Variants in PHTF2 observed in about 807,000 individuals in gnomAD.
PHTF2 encodes the protein protein PHTF2.
Under a neutral mutation model 101.2 loss-of-function variants are expected in PHTF2, and 60 were observed. The observed-to-expected ratio is 0.59, with a 90% CI of 0.48 to 0.73. PHTF2 has a LOEUF of 0.73. Among genes scored for constraint, PHTF2 ranks in the 30% least tolerant of loss-of-function variants. The pLI is 0.00. For synonymous variants in PHTF2, 311 were observed against 307.3 expected (o/e 1.01, Z -0.13); for missense variants, 747 against 908.7 (o/e 0.82, Z 2.29).
chr7:77,948,476 T>C (rs1562976809), intron 16 of PHTF2, among the ~76,000 whole-genome samples: 1 of 152,124 alleles, frequency 6.6e-6, no homozygotes, highest in Non-Finnish European at 1.5e-5. Context: ...AAATTAAAAT[T>C]TTGTGTCCTG....
intron 1 of PHTF2, among the ~76,000 whole-genome samples, chr7:77,812,881 A>G (rs1044304272): frequency 2.6e-5 from 4 of 151,836 alleles, no homozygotes; most frequent in Admixed American, 6.6e-5. Context: ...GAGCCACAGC[A>G]CCCAGCCAAT....
At chr7:77,826,833 T>C (rs1169159770) in intron 1 of PHTF2, among the ~76,000 whole-genome samples, 3 of 152,206 alleles carry the variant, frequency 2.0e-5, no homozygotes, top group African/African-American at 7.2e-5. Flanking sequence ...TTCTCTAACA[T>C]GTAAGAGCAC....
At chr7:77,868,411 C>A (rs1004595251) in intron 3 of PHTF2, among the ~76,000 whole-genome samples, 1 of 146,282 alleles carries the variant, frequency 6.8e-6, no homozygotes, top group African/African-American at 2.6e-5. Context: ...TCAAGCAATC[C>A]TCCTACCTCA....
At chr7:77,834,840 A>G (rs116997878) in intron 1 of PHTF2, among the ~76,000 whole-genome samples, 7,734 of 152,138 alleles carry the variant, frequency 0.051, 306 homozygotes, top group Non-Finnish European at 0.075. Flanking sequence ...ATGTTGCCAC[A>G]TTTTTTCCTT....
intron 3 of PHTF2, among the ~76,000 whole-genome samples, chr7:77,880,667 C>T (rs74532925): frequency 4.3e-4 from 65 of 152,166 alleles, no homozygotes; most frequent in African/African-American, 1.5e-3. Context: ...TGGCTACACA[C>T]GTGCATCAGG....
intron 8 of PHTF2, 126 bp downstream of exon 7, chr7:77,909,084 T>A: frequency 1.8e-6 from 1 of 546,506 alleles, no homozygotes. Context: ...AAAAAAACAC[T>A]GAGCTTCAGA....
Position 77,893,589 on chromosome 7 carries a change from TA to T in PHTF2, c.148-18del. ...GGGTACCAGCAATGACCATTTAATGTAGTGTCTTCTTTTCATAGATTGGAGC... is the reference window on the plus strand; with the variant it reads ...GGGTACCAGCAATGACCATTTAATGTGTGTCTTCTTTTCATAGATTGGAGC... On this transcript the variant is annotated intron_variant, in intron 3 of 19. Coordinates refer to ENST00000416283, the Ensembl canonical transcript of PHTF2. The T allele has an allele frequency of 1.7e-6, 2 of 1,147,418 alleles. No individual in the cohort carries two copies. Among genetic ancestry groups the T allele is most frequent in the Non-Finnish European group, 2.6e-6 (2 of 779,484 alleles). The allele number at this position is 1,147,418 out of a possible 1,614,324, so 71.1% of individuals were successfully genotyped here.
At chr7:77,869,157 A>G (rs907383497) in intron 3 of PHTF2, among the ~76,000 whole-genome samples, 5 of 152,170 alleles carry the variant, frequency 3.3e-5, no homozygotes, top group Non-Finnish European at 4.4e-5. Flanking sequence ...TTTAATTGAT[A>G]CGTAATTAAT....
At chr7:77,878,832 A>C (rs1799162540) in intron 3 of PHTF2, among the ~76,000 whole-genome samples, 1 of 152,230 alleles carries the variant, frequency 6.6e-6, no homozygotes, top group African/African-American at 2.4e-5. Context: ...TAATCTCTAA[A>C]TTAAAGATTT....
At chr7:77,853,101 C>G (rs1300849359) in intron 2 of PHTF2, among the ~76,000 whole-genome samples, 1 of 152,100 alleles carries the variant, frequency 6.6e-6, no homozygotes, top group African/African-American at 2.4e-5. Context: ...CCTTCTTATA[C>G]TTGAATATTG....
At chr7:77,894,184 C>T (rs1800690226) in intron 5 of PHTF2, among the ~76,000 whole-genome samples, 191 bp downstream of exon 4, 1 of 152,198 alleles carries the variant, frequency 6.6e-6, no homozygotes, top group Non-Finnish European at 1.5e-5. Flanking sequence ...TAGGCATTTT[C>T]TTCCTGAACA....
At chr7:77,840,759 T>C (rs1795804120) in intron 2 of PHTF2, among the ~76,000 whole-genome samples, 1 of 152,082 alleles carries the variant, frequency 6.6e-6, no homozygotes. Context: ...GTTTTAGGAT[T>C]GTCGTACCTA....
intron 16 of PHTF2, among the ~76,000 whole-genome samples, chr7:77,943,101 T>C (rs544374572): frequency 5.0e-5 from 6 of 119,618 alleles, no homozygotes; most frequent in Non-Finnish European, 1.0e-4. Flanking sequence ...TTTATTCATG[T>C]TTACTATTCT....
exon 10 of PHTF2, chr7:77,920,434 A>T: frequency 6.2e-7 from 1 of 1,613,340 alleles, no homozygotes; most frequent in Non-Finnish European, 8.5e-7. Flanking sequence ...ACAGCCTGGA[A>T]CACAGGAACA....
intron 1 of PHTF2, among the ~76,000 whole-genome samples, chr7:77,799,176 T>C (rs117427333): frequency 0.024 from 3,641 of 152,186 alleles, 55 homozygotes; most frequent in Middle Eastern, 0.071. Context: ...CCGCGACCCC[T>C]TCTCATCAGT....
At chr7:77,888,563 C>T (rs764528070) in intron 3 of PHTF2, among the ~76,000 whole-genome samples, 4 of 152,038 alleles carry the variant, frequency 2.6e-5, no homozygotes, top group East Asian at 3.9e-4. Context: ...ATTTCGAAGT[C>T]GTCAAAATAT....
chr7:77,884,446 A>G (rs1240914998), intron 3 of PHTF2, among the ~76,000 whole-genome samples: 1 of 152,020 alleles, frequency 6.6e-6, no homozygotes, highest in East Asian at 1.9e-4. Context: ...TTTGTGTACT[A>G]CCCATAGCTT....
At chr7:77,864,693 T>A (rs984875888) in intron 3 of PHTF2, among the ~76,000 whole-genome samples, 4 of 152,086 alleles carry the variant, frequency 2.6e-5, no homozygotes, top group Admixed American at 2.6e-4. Flanking sequence ...TCTTTCATAA[T>A]CCCCTGAAAA....
intron 12 of PHTF2, among the ~76,000 whole-genome samples, chr7:77,936,512 A>G (rs1805144273): frequency 6.6e-6 from 1 of 151,130 alleles, no homozygotes; most frequent in Non-Finnish European, 1.5e-5. Flanking sequence ...CCGTCTCTAC[A>G]AAAATTTAAA....
Sources: gnomAD v4.1 joint callset for allele counts (sites outside exome capture counted in the v4.1 genomes callset) on GRCh38, gnomAD v4.1.1 for gene constraint, MANE v1.5 for transcripts, NCBI Gene and HGNC (gene_info 2026-07-23, HGNC 2026-07-21) for gene names.